The following FSTL4 variants were observed in gnomAD, a reference collection of about 807,000 sequenced individuals.
FSTL4 encodes follistatin like 4.
A neutral mutation model predicts 78.2 loss-of-function variants in FSTL4; 28 were observed. That is an observed-to-expected ratio of 0.36 (90% CI 0.27 to 0.49). The LOEUF is 0.49. FSTL4 is among the 20% of genes least tolerant of loss of function. The probability of loss-of-function intolerance (pLI) is 0.98; values close to 1 mark genes in which losing one functional copy is unlikely to be tolerated. For synonymous variants in FSTL4, 422 were observed against 440.5 expected (o/e 0.96, Z 0.53); for missense variants, 922 against 1,084.9 (o/e 0.85, Z 2.11).
chr5:133,487,863 G>A (rs902795294), intron 3 of FSTL4, among the ~76,000 whole-genome samples: 16 of 152,146 alleles, frequency 1.1e-4, no homozygotes, highest in African/African-American at 1.4e-4. Context: ...TGCAGACACC[G>A]GGTCTGGCTC....
At chr5:133,615,794 T>G (rs1211202534), upstream of FSTL4, among the ~76,000 whole-genome samples, 2 of 152,180 alleles carry the variant, frequency 1.3e-5, no homozygotes, top group Non-Finnish European at 2.9e-5. Context: ...GTAGCTAGCA[T>G]GGAGATAAGG....
intron 3 of FSTL4, among the ~76,000 whole-genome samples, chr5:133,427,943 A>C (rs1167491876): frequency 1.3e-5 from 2 of 152,172 alleles, no homozygotes; most frequent in Non-Finnish European, 2.9e-5. Flanking sequence ...TGAGAGGTGG[A>C]GCTGGGGAGG....
At chr5:133,385,836 CAT>C (rs1189391849) in intron 4 of FSTL4, among the ~76,000 whole-genome samples, 1 of 152,224 alleles carries the variant, frequency 6.6e-6, no homozygotes, top group African/African-American at 2.4e-5. Context: ...AACACGGGCA[CAT>C]GTCAGCTACA....
chr5:133,741,652 C>T, the FSTL4 span, among the ~76,000 whole-genome samples: 1 of 152,176 alleles, frequency 6.6e-6, no homozygotes, highest in Non-Finnish European at 1.5e-5. Context: ...AACACAGAGG[C>T]CTCTCTGCCC....
upstream of FSTL4, among the ~76,000 whole-genome samples, chr5:133,615,794 T>C (rs1211202534): frequency 2.0e-5 from 3 of 152,180 alleles, no homozygotes; most frequent in African/African-American, 4.8e-5. Flanking sequence ...GTAGCTAGCA[T>C]GGAGATAAGG....
chr5:133,833,175 C>G, the FSTL4 span, among the ~76,000 whole-genome samples: 7 of 152,150 alleles, frequency 4.6e-5, no homozygotes, highest in Non-Finnish European at 8.8e-5. Context: ...AGCCCACAGT[C>G]AGTTCCCAGC....
chr5:133,411,651 A>G (rs1439979212), intron 3 of FSTL4, among the ~76,000 whole-genome samples: 1 of 152,214 alleles, frequency 6.6e-6, no homozygotes, highest in African/African-American at 2.4e-5. Flanking sequence ...ACTGTTTCCA[A>G]TTAAAATCAG....
At chr5:133,598,897 C>T (rs961440513) in intron 2 of FSTL4, among the ~76,000 whole-genome samples, 6 of 152,292 alleles carry the variant, frequency 3.9e-5, no homozygotes, top group African/African-American at 1.2e-4. Flanking sequence ...TAAGAAAATG[C>T]GAACGTCCAG....
intron 4 of FSTL4, among the ~76,000 whole-genome samples, chr5:133,381,501 A>T (rs1449738889): frequency 1.3e-5 from 2 of 152,222 alleles, no homozygotes; most frequent in African/African-American, 4.8e-5. Flanking sequence ...ACTATAAAGA[A>T]AGCTGGAAGA....
the FSTL4 span, among the ~76,000 whole-genome samples, chr5:133,617,833 G>A: frequency 6.6e-6 from 1 of 152,170 alleles, no homozygotes; most frequent in Non-Finnish European, 1.5e-5. Flanking sequence ...GCAGAGATAC[G>A]ATTAGATGAG....
chr5:133,753,910 C>A, the FSTL4 span, among the ~76,000 whole-genome samples: 1 of 152,042 alleles, frequency 6.6e-6, no homozygotes, highest in Non-Finnish European at 1.5e-5. Context: ...CAGTTATGCC[C>A]CTTAACTTCT....
intron 14 of FSTL4, chr5:133,207,814 T>G (rs1053679648): frequency 6.6e-6 from 1 of 152,088 alleles, no homozygotes; most frequent in Non-Finnish European, 1.5e-5. Flanking sequence ...CCTGGCTAAT[T>G]TTTTTATTTT....
chr5:133,476,377 C>A (rs761522450), intron 3 of FSTL4, among the ~76,000 whole-genome samples: 17 of 152,312 alleles, frequency 1.1e-4, no homozygotes, highest in Non-Finnish European at 1.9e-4. Context: ...TCATGCATGG[C>A]TGACATGGGC....
chr5:133,523,296 C>T (rs957132842), intron 3 of FSTL4, among the ~76,000 whole-genome samples: 6 of 152,188 alleles, frequency 3.9e-5, no homozygotes, highest in African/African-American at 7.2e-5. Flanking sequence ...AATAAACTTC[C>T]GGTGTTGAAG....
At chr5:133,718,428 T>C in the FSTL4 span, among the ~76,000 whole-genome samples, 1 of 152,222 alleles carries the variant, frequency 6.6e-6, no homozygotes, top group Non-Finnish European at 1.5e-5. Context: ...TGGTCTCTCC[T>C]TGTGGCTTTA....
the FSTL4 span, among the ~76,000 whole-genome samples, chr5:133,653,864 C>T: frequency 5.9e-5 from 9 of 152,312 alleles, no homozygotes; most frequent in South Asian, 1.7e-3. Flanking sequence ...GAGACTGCAC[C>T]GGGCTGCATT....
chr5:133,745,737 C>T, the FSTL4 span, among the ~76,000 whole-genome samples: 6 of 152,220 alleles, frequency 3.9e-5, no homozygotes, highest in Non-Finnish European at 8.8e-5. Context: ...GCTAAAACTG[C>T]CACTTGTCAG....
intron 3 of FSTL4, among the ~76,000 whole-genome samples, chr5:133,496,358 ACT>A: frequency 6.6e-6 from 1 of 152,204 alleles, no homozygotes; most frequent in Non-Finnish European, 1.5e-5. Flanking sequence ...GTGGTCTGAC[ACT>A]CAGCTCTCTC....
chr5:133,224,880 G>A (rs1751275312), intron 10 of FSTL4, among the ~76,000 whole-genome samples: 1 of 151,944 alleles, frequency 6.6e-6, no homozygotes, highest in South Asian at 2.1e-4. Flanking sequence ...GCTGGGACTC[G>A]ACTATTTGGG....
Sources: allele counts gnomAD v4.1 joint callset (sites outside exome capture counted in the v4.1 genomes callset), GRCh38; gene constraint gnomAD v4.1.1; transcripts MANE v1.5; gene names NCBI Gene and HGNC (gene_info 2026-07-23, HGNC 2026-07-21).